The following MEMO1 variants were observed in gnomAD, a reference collection of about 807,000 sequenced individuals.
MEMO1 encodes the protein mediator of cell motility 1.
A neutral mutation model predicts 45.2 loss-of-function variants in MEMO1; 6 were observed. That is an observed-to-expected ratio of 0.13 (90% CI 0.07 to 0.26). The LOEUF (loss-of-function observed/expected upper bound fraction) is 0.26, where lower values mean the gene tolerates loss of function less well. MEMO1 is among the 10% of genes least tolerant of loss of function. The pLI is 1.00. For missense variants in MEMO1, 184 were observed against 370.5 expected (o/e 0.50, Z 4.13); for synonymous variants, 78 against 124.3 (o/e 0.63, Z 2.48).
At chr2:31,925,035 A>T (rs1682873172) in intron 4 of MEMO1, among the ~76,000 whole-genome samples, 1 of 152,152 alleles carries the variant, frequency 6.6e-6, no homozygotes, top group Non-Finnish European at 1.5e-5. Context: ...ATGCCCTAGC[A>T]AATTAGCTAT....
chr2:31,928,282 C>A (rs1248922497), intron 4 of MEMO1, among the ~76,000 whole-genome samples: 1 of 152,154 alleles, frequency 6.6e-6, no homozygotes, highest in Admixed American at 6.5e-5. Context: ...GCGGCTCATG[C>A]CTGTAATCCC....
chr2:31,869,770 C>T (rs979330755), intron 9 of MEMO1, 78 bp downstream of exon 9: 1 of 1,417,226 alleles, frequency 7.1e-7, no homozygotes, highest in Non-Finnish European at 9.4e-7. Flanking sequence ...ACCAATGATG[C>T]CATTGTATCA....
intron 2 of MEMO1, among the ~76,000 whole-genome samples, chr2:31,970,899 G>T (rs567328086): frequency 6.6e-6 from 1 of 152,294 alleles, no homozygotes; most frequent in South Asian, 2.1e-4. Context: ...AGCTACGTAG[G>T]AGGCTGAAAC....
intron 2 of MEMO1, chr2:31,963,117 C>A: frequency 6.8e-7 from 1 of 1,476,340 alleles, no homozygotes; most frequent in Non-Finnish European, 9.1e-7. Flanking sequence ...CAGTCTCTAA[C>A]TACACCATTA....
intron 2 of MEMO1, among the ~76,000 whole-genome samples, chr2:31,947,423 CTG>C (rs1445036409): frequency 1.3e-5 from 2 of 152,158 alleles, no homozygotes; most frequent in Admixed American, 6.5e-5. Context: ...AAAGGTGAAT[CTG>C]AGTTCTTTCA....
intron 3 of MEMO1, among the ~76,000 whole-genome samples, chr2:31,933,533 G>A (rs1456896764): frequency 2.0e-5 from 3 of 151,172 alleles, no homozygotes; most frequent in African/African-American, 4.9e-5. Context: ...CAAATTGTGT[G>A]CTTTAAATGT....
At chr2:31,906,333 GT>G (rs1267313825) in intron 6 of MEMO1, among the ~76,000 whole-genome samples, 1 of 144,064 alleles carries the variant, frequency 6.9e-6, no homozygotes, top group East Asian at 2.1e-4. Flanking sequence ...TTTTGTTTTT[GT>G]TTTTTTTGAG....
At chr2:31,941,431 A>T (rs1358931451) in intron 3 of MEMO1, among the ~76,000 whole-genome samples, 1 of 152,034 alleles carries the variant, frequency 6.6e-6, no homozygotes, top group Non-Finnish European at 1.5e-5. Flanking sequence ...GTCACTCTCA[A>T]TCCTCTATCT....
At chr2:31,958,524 T>G (rs1667654025) in intron 2 of MEMO1, among the ~76,000 whole-genome samples, 1 of 151,900 alleles carries the variant, frequency 6.6e-6, no homozygotes, top group Non-Finnish European at 1.5e-5. Flanking sequence ...AAACTTCTAT[T>G]TAAGAAATAA....
At chr2:32,005,111 A>T (rs992378487) in intron 2 of MEMO1, among the ~76,000 whole-genome samples, 2 of 152,110 alleles carry the variant, frequency 1.3e-5, no homozygotes, top group African/African-American at 4.8e-5. Context: ...CAACAGAATG[A>T]ACAAAGTACA....
At chr2:31,980,198 G>A (rs904309094) in intron 2 of MEMO1, among the ~76,000 whole-genome samples, 3 of 152,166 alleles carry the variant, frequency 2.0e-5, no homozygotes, top group East Asian at 3.8e-4. Context: ...TTGAGGGGAT[G>A]AGGCAGGCGG....
At chr2:31,920,561 T>C (rs1316803364) in intron 5 of MEMO1, among the ~76,000 whole-genome samples, 1 of 152,162 alleles carries the variant, frequency 6.6e-6, no homozygotes. Context: ...ATGTAACCAC[T>C]ACAATCTGCA....
chr2:31,980,853 A>T (rs1390372003), intron 2 of MEMO1, among the ~76,000 whole-genome samples: 1 of 152,198 alleles, frequency 6.6e-6, no homozygotes, highest in Non-Finnish European at 1.5e-5. Flanking sequence ...CAAGCATGGT[A>T]ATATAAGGCA....
intron 2 of MEMO1, among the ~76,000 whole-genome samples, chr2:31,982,503 T>A (rs1445257405): frequency 6.7e-6 from 1 of 148,670 alleles, no homozygotes; most frequent in Non-Finnish European, 1.5e-5. Context: ...GGCAGGAGAA[T>A]CGTTTGAACC....
chr2:31,997,420 A>C (rs1394010512), intron 2 of MEMO1, among the ~76,000 whole-genome samples: 1 of 152,210 alleles, frequency 6.6e-6, no homozygotes, highest in Admixed American at 6.5e-5. Context: ...TTTTTAGTAG[A>C]GATGGGGTTT....
chr2:31,869,543 C>G (rs556729495), intron 9 of MEMO1, among the ~76,000 whole-genome samples: 5 of 152,126 alleles, frequency 3.3e-5, no homozygotes, highest in African/African-American at 7.2e-5. Context: ...AAGACCATAT[C>G]TCTTAAGAGG....
intron 8 of MEMO1, among the ~76,000 whole-genome samples, chr2:31,872,501 A>G (rs1457664920): frequency 6.6e-6 from 1 of 152,202 alleles, no homozygotes; most frequent in Non-Finnish European, 1.5e-5. Flanking sequence ...TCACATTTAT[A>G]TACTGATATG....
intron 6 of MEMO1, among the ~76,000 whole-genome samples, chr2:31,915,780 G>T (rs1681348995): frequency 6.6e-6 from 1 of 152,170 alleles, no homozygotes; most frequent in African/African-American, 2.4e-5. Flanking sequence ...GTGGACCGGA[G>T]CAAGGTGTTC....
At chr2:32,008,199 A>G (rs3769607) in intron 2 of MEMO1, among the ~76,000 whole-genome samples, 18,711 of 152,288 alleles carry the variant, frequency 0.12, 1,250 homozygotes, top group Middle Eastern at 0.21. Context: ...GCTATGTCAT[A>G]TAAGATTATC....
Sources: gnomAD v4.1 joint callset for allele counts (sites outside exome capture counted in the v4.1 genomes callset) on GRCh38, gnomAD v4.1.1 for gene constraint, MANE v1.5 for transcripts, NCBI Gene and HGNC (gene_info 2026-07-23, HGNC 2026-07-21) for gene names.